Variants in GRIA4 observed in about 807,000 individuals in gnomAD.
The protein encoded by GRIA4 is glutamate ionotropic receptor AMPA type subunit 4, also known as glutamate receptor 4.
Under a neutral mutation model 104.0 loss-of-function variants are expected in GRIA4, and 34 were observed. The ratio of observed to expected loss-of-function variants is 0.33; its 90% CI spans 0.25 to 0.44. The LOEUF (loss-of-function observed/expected upper bound fraction) is 0.44. GRIA4 is among the 20% of genes least tolerant of loss of function. The pLI is 1.00. For missense variants in GRIA4, 750 were observed against 1,096.5 expected (o/e 0.68, Z 4.46); for synonymous variants, 386 against 381.9 (o/e 1.01, Z -0.13).
chr11:105,812,474 T>C (rs1018310280), intron 4 of GRIA4, among the ~76,000 whole-genome samples: 1 of 152,230 alleles, frequency 6.6e-6, no homozygotes, highest in Admixed American at 6.5e-5. Context: ...TGTTACCTAC[T>C]ACCATCTTTG....
chr11:105,659,788 C>T (rs1951951741), intron 3 of GRIA4, among the ~76,000 whole-genome samples: 1 of 151,676 alleles, frequency 6.6e-6, no homozygotes, highest in Non-Finnish European at 1.5e-5. Context: ...TTCAGGAAAG[C>T]CTGTATCATA....
At chr11:105,783,006 C>A (rs1335110785) in intron 4 of GRIA4, among the ~76,000 whole-genome samples, 1 of 152,154 alleles carries the variant, frequency 6.6e-6, no homozygotes, top group Non-Finnish European at 1.5e-5. Flanking sequence ...ATATGCAACT[C>A]AATATCTGGC....
At chr11:105,875,836 C>A (rs766775242) in intron 5 of GRIA4, among the ~76,000 whole-genome samples, 28 of 151,906 alleles carry the variant, frequency 1.8e-4, no homozygotes, top group Admixed American at 7.2e-4. Flanking sequence ...AGTGGTCTAT[C>A]TATTTTGTTA....
intron 6 of GRIA4, among the ~76,000 whole-genome samples, chr11:105,892,130 A>G (rs1003433105): frequency 6.6e-6 from 1 of 152,142 alleles, no homozygotes; most frequent in Non-Finnish European, 1.5e-5. Flanking sequence ...TAACTTAGGG[A>G]ATAATGCCAC....
chr11:105,967,778 T>C (rs1038322727), intron 14 of GRIA4, among the ~76,000 whole-genome samples: 1 of 151,714 alleles, frequency 6.6e-6, no homozygotes, highest in African/African-American at 2.4e-5. Flanking sequence ...GCACTCTAAA[T>C]GTTAATAATA....
chr11:105,682,137 T>G (rs1952730275), intron 3 of GRIA4, among the ~76,000 whole-genome samples: 1 of 152,222 alleles, frequency 6.6e-6, no homozygotes, highest in South Asian at 2.1e-4. Flanking sequence ...CACATTACAT[T>G]TCTACTAGAC....
chr11:105,621,999 T>A (rs751630528), intron 3 of GRIA4, among the ~76,000 whole-genome samples: 8 of 151,854 alleles, frequency 5.3e-5, no homozygotes, highest in Non-Finnish European at 1.0e-4. Flanking sequence ...TTCTCTGTTT[T>A]TTTCCTTTAC....
intron 3 of GRIA4, among the ~76,000 whole-genome samples, chr11:105,685,447 T>A (rs999515002): frequency 6.6e-6 from 1 of 152,196 alleles, no homozygotes; most frequent in African/African-American, 2.4e-5. Context: ...AATTATTATG[T>A]TAGATTATGT....
In GRIA4 at chr11:105,971,908, G is replaced by T. The variant is rs371144128; in HGVS notation, c.2295-6G>T. On this transcript the variant is annotated splice_polypyrimidine_tract_variant and splice_region_variant and intron_variant, in intron 14 of 16. Transcript: ENST00000282499. ...TAATGTTATTTATGTTATTTTCCAC[G>T]TGAAGAACTCCTGTAAACCTTGCCG... 3 of 1,533,770 alleles carry T rather than the reference G, an allele frequency of 2.0e-6. No homozygotes were observed. Among genetic ancestry groups the T allele is most frequent in the Non-Finnish European group, 2.7e-6 (3 of 1,108,266 alleles).
intron 3 of GRIA4, among the ~76,000 whole-genome samples, chr11:105,675,204 T>C (rs905179956): frequency 5.3e-5 from 8 of 151,830 alleles, no homozygotes; most frequent in Admixed American, 1.3e-4. Context: ...CAAATTCTCA[T>C]GGGAAACTGC....
At chr11:105,786,860 T>C (rs566761239) in intron 4 of GRIA4, among the ~76,000 whole-genome samples, 2 of 152,288 alleles carry the variant, frequency 1.3e-5, no homozygotes, top group East Asian at 1.9e-4. Context: ...CATCTTGGAC[T>C]TTCAGAAAAC....
intron 8 of GRIA4, among the ~76,000 whole-genome samples, chr11:105,904,838 A>G (rs1946985528): frequency 6.6e-6 from 1 of 152,188 alleles, no homozygotes; most frequent in African/African-American, 2.4e-5. Flanking sequence ...TATCAGGGTT[A>G]TTTAATCCAT....
intron 3 of GRIA4, among the ~76,000 whole-genome samples, chr11:105,729,395 A>T (rs1056310959): frequency 1.3e-5 from 2 of 152,186 alleles, no homozygotes; most frequent in African/African-American, 4.8e-5. Flanking sequence ...CCAGGACCAG[A>T]CAGATTCAGA....
intron 5 of GRIA4, among the ~76,000 whole-genome samples, chr11:105,871,517 T>G (rs1443244267): frequency 2.0e-5 from 3 of 150,768 alleles, no homozygotes; most frequent in African/African-American, 7.3e-5. Flanking sequence ...TTTATTTTAA[T>G]AATATGGGAA....
chr11:105,979,629 G>A lies in GRIA4; in HGVS notation c.2599G>A (p.Val867Met), dbSNP rs1407339363. The A allele has an allele frequency of 6.2e-7, 1 of 1,614,026 alleles. No homozygotes were observed. Among genetic ancestry groups the A allele is most frequent in the South Asian group, 1.1e-5 (1 of 91,078 alleles). The change falls in exon 17 of 17, where the codon GTG becomes ATG. Residue 867 changes from valine to methionine, a missense_variant. Coordinates refer to ENST00000282499, the MANE Select transcript of GRIA4 (RefSeq NM_000829.4). ...AGCCAGATTATCCATCACTGGGAGT[G>A]TGGGAGAGAATGGCCGCGTCTTGAC... ...NKARLSITGSVGENGRVLTPD... is the reference protein window; with the variant it reads ...NKARLSITGSMGENGRVLTPD...
At chr11:105,942,072 T>A (rs1344559166) in intron 14 of GRIA4, among the ~76,000 whole-genome samples, 1 of 151,994 alleles carries the variant, frequency 6.6e-6, no homozygotes, top group African/African-American at 2.4e-5. Context: ...AAAAAGTAAA[T>A]TTTTTTCTTA....
chr11:105,834,244 C>T (rs1291308385), intron 4 of GRIA4, among the ~76,000 whole-genome samples: 4 of 152,006 alleles, frequency 2.6e-5, no homozygotes, highest in Non-Finnish European at 5.9e-5. Context: ...ATATCTCAAT[C>T]CTTTCATCTC....
chr11:105,960,359 G>T (rs1565366877), intron 14 of GRIA4, among the ~76,000 whole-genome samples: 2 of 152,210 alleles, frequency 1.3e-5, no homozygotes, highest in African/African-American at 2.4e-5. Context: ...GAGGAAGAAT[G>T]GGTCACGATT....
intron 4 of GRIA4, among the ~76,000 whole-genome samples, chr11:105,860,204 G>A (rs1029688688): frequency 1.3e-5 from 2 of 151,996 alleles, no homozygotes; most frequent in Non-Finnish European, 2.9e-5. Context: ...CATTTGGCAG[G>A]ATATCAGATA....
Sources: gnomAD v4.1 joint callset for allele counts (sites outside exome capture counted in the v4.1 genomes callset) on GRCh38, gnomAD v4.1.1 for gene constraint, MANE v1.5 for transcripts, NCBI Gene and HGNC (gene_info 2026-07-23, HGNC 2026-07-21) for gene names.